Variants in ACYP2 observed in about 807,000 individuals in gnomAD.
ACYP2 encodes acylphosphatase-2.
Under a neutral mutation model 11.2 loss-of-function variants are expected in ACYP2, and 12 were observed. That is an observed-to-expected ratio of 1.08 (90% CI 0.69 to 1.74). The LOEUF (loss-of-function observed/expected upper bound fraction) is 1.74. Ranked by LOEUF, ACYP2 falls within the 40% of genes most tolerant of loss-of-function variation. ACYP2 has a pLI of 0.00. For missense variants in ACYP2, 134 were observed against 101.9 expected (o/e 1.31, Z -1.35); for synonymous variants, 43 against 32.2 (o/e 1.33, Z -1.13).
At chr2:54,194,717 G>A (rs1034151515) in intron 6 of ACYP2, among the ~76,000 whole-genome samples, 4 of 151,832 alleles carry the variant, frequency 2.6e-5, no homozygotes, top group Non-Finnish European at 4.4e-5. Flanking sequence ...GCTTTGTCAT[G>A]TTATTATCAA....
chr2:54,277,507 G>C (rs1010989759), intron 6 of ACYP2, among the ~76,000 whole-genome samples: 1 of 151,922 alleles, frequency 6.6e-6, no homozygotes, highest in African/African-American at 2.4e-5. Flanking sequence ...GTGAAACCCC[G>C]TCTCTACTAA....
At chr2:54,185,000 C>A (rs1204116177) in intron 6 of ACYP2, among the ~76,000 whole-genome samples, 1 of 152,080 alleles carries the variant, frequency 6.6e-6, no homozygotes, top group East Asian at 1.9e-4. Flanking sequence ...TGCCCACCAC[C>A]ACGCCTGGCT....
At chr2:54,181,130 G>C (rs758959149) in intron 6 of ACYP2, among the ~76,000 whole-genome samples, 2 of 152,122 alleles carry the variant, frequency 1.3e-5, no homozygotes, top group Non-Finnish European at 2.9e-5. Flanking sequence ...AAAACACTAG[G>C]ATATGGCTGT....
chr2:54,094,449 G>A (rs1258750677), intron 4 of ACYP2, among the ~76,000 whole-genome samples: 2 of 151,820 alleles, frequency 1.3e-5, no homozygotes, highest in Non-Finnish European at 2.9e-5. Flanking sequence ...GGCTGGTCTC[G>A]AACTCCTGAC....
intron 5 of ACYP2, among the ~76,000 whole-genome samples, 164 bp from the exon 3 acceptor site, chr2:54,138,472 TGAA>T (rs1389405567): frequency 2.0e-5 from 3 of 152,252 alleles, no homozygotes; most frequent in African/African-American, 7.2e-5. Flanking sequence ...ACCATTTATG[TGAA>T]GGTTCTTATA....
At chr2:53,979,171 A>C (rs754240907) in intron 2 of ACYP2, among the ~76,000 whole-genome samples, 2 of 152,174 alleles carry the variant, frequency 1.3e-5, no homozygotes, top group Non-Finnish European at 2.9e-5. Context: ...TTGCCCTTGA[A>C]GACCTTCCAG....
At chr2:54,270,622 A>T (rs955574189) in intron 6 of ACYP2, among the ~76,000 whole-genome samples, 1 of 152,196 alleles carries the variant, frequency 6.6e-6, no homozygotes, top group South Asian at 2.1e-4. Context: ...TTAAAAATAA[A>T]GATAAAAAAT....
chr2:54,090,403 G>T (rs1204257766), intron 4 of ACYP2, among the ~76,000 whole-genome samples: 3 of 152,092 alleles, frequency 2.0e-5, no homozygotes, highest in African/African-American at 7.2e-5. Context: ...GGCCGAGGTG[G>T]GCAGATCACG....
intron 2 of ACYP2, among the ~76,000 whole-genome samples, chr2:54,049,010 C>T (rs1003450146): frequency 1.3e-5 from 2 of 152,112 alleles, no homozygotes; most frequent in Non-Finnish European, 2.9e-5. Context: ...TGCAGTGGCT[C>T]ACACCTGTAA....
chr2:54,081,934 T>G (rs1194692148), intron 4 of ACYP2, among the ~76,000 whole-genome samples: 1 of 152,236 alleles, frequency 6.6e-6, no homozygotes, highest in Non-Finnish European at 1.5e-5. Context: ...GTCTGTCATC[T>G]TCCAGGAAGC....
At chr2:54,072,468 TTTTC>T (rs530049233) in intron 4 of ACYP2, among the ~76,000 whole-genome samples, 1,537 of 124,802 alleles carry the variant, frequency 0.012, 33 homozygotes, top group African/African-American at 0.039. Context: ...CTTTCTTTCT[TTTTC>T]TTTCTTTCTT....
intron 6 of ACYP2, among the ~76,000 whole-genome samples, chr2:54,290,163 G>A (rs1265132021): frequency 6.6e-6 from 1 of 152,072 alleles, no homozygotes; most frequent in Admixed American, 6.5e-5. Flanking sequence ...GTCGGAGCCG[G>A]TGGGTGCCCG....
At chr2:54,138,772 G>C in intron 6 of ACYP2, 24 bp downstream of exon 3, 2 of 1,583,954 alleles carry the variant, frequency 1.3e-6, no homozygotes, top group Non-Finnish European at 1.7e-6. Context: ...TTAATAACAT[G>C]TACATGAAAT....
chr2:54,228,197 T>C (rs1686088089), intron 6 of ACYP2, among the ~76,000 whole-genome samples: 1 of 152,210 alleles, frequency 6.6e-6, no homozygotes, highest in Non-Finnish European at 1.5e-5. Flanking sequence ...TACATTTAAG[T>C]ATGGAAGTGG....
At chr2:54,012,536 G>C (rs1009137558) in intron 2 of ACYP2, among the ~76,000 whole-genome samples, 2 of 152,036 alleles carry the variant, frequency 1.3e-5, no homozygotes, top group Admixed American at 6.6e-5. Context: ...AATCAATAAA[G>C]CATTTTGTAT....
rs1422227269 is a variant in ACYP2 at position 54,305,020 on chromosome 2, T to C, written c.*218T>C. 2 of 340,376 alleles carry C rather than the reference T, an allele frequency of 5.9e-6. No individual in the cohort carries two copies. The highest frequency in any genetic ancestry group is 2.1e-5 in the African/African-American group (1 of 47,484). 21.1% of individuals were successfully genotyped at this position (340,376 alleles called of 1,614,324 possible). ...TAGTATTCTAAGATTAAAATGTCAT[T>C]ACAAAATATTTAGTGTGAACATTTA... On this transcript the variant is annotated 3_prime_UTR_variant, in exon 7 of 7. Coordinates refer to ENST00000607452, the MANE Select transcript of ACYP2 (RefSeq NM_001320586.2).
intron 2 of ACYP2, among the ~76,000 whole-genome samples, chr2:53,977,239 G>T (rs542386623): frequency 1.3e-5 from 2 of 151,964 alleles, no homozygotes; most frequent in Non-Finnish European, 2.9e-5. Flanking sequence ...AGTAGAGACG[G>T]GGTTTCACAT....
At chr2:54,254,931 G>C in intron 6 of ACYP2, 2 of 1,610,596 alleles carry the variant, frequency 1.2e-6, no homozygotes, top group Non-Finnish European at 1.7e-6. Flanking sequence ...AACCACACTG[G>C]AACCCAAAGG....
At chr2:53,995,359 G>T (rs985935233) in intron 2 of ACYP2, among the ~76,000 whole-genome samples, 2 of 152,028 alleles carry the variant, frequency 1.3e-5, no homozygotes, top group Non-Finnish European at 2.9e-5. Context: ...TGACCTTGGT[G>T]TTTTTCTCAA....
Sources: allele counts gnomAD v4.1 joint callset (sites outside exome capture counted in the v4.1 genomes callset), GRCh38; gene constraint gnomAD v4.1.1; transcripts MANE v1.5; gene names NCBI Gene and HGNC (gene_info 2026-07-23, HGNC 2026-07-21).